FNBP1: variants seen among roughly 807,000 people sequenced by gnomAD.
FNBP1 encodes the protein formin binding protein 1.
In FNBP1, 26 loss-of-function variants were observed where a neutral mutation model predicts 90.6. The observed-to-expected ratio is 0.29, with a 90% CI of 0.21 to 0.40. The LOEUF is 0.40. Among genes scored for constraint, FNBP1 ranks in the 10% least tolerant of loss-of-function variants. The pLI is 1.00. For synonymous variants in FNBP1, 260 were observed against 265.2 expected (o/e 0.98, Z 0.19); for missense variants, 635 against 768.0 (o/e 0.83, Z 2.05).
chr9:129,976,660 T>C (rs1442076791), intron 4 of FNBP1, among the ~76,000 whole-genome samples: 2 of 152,190 alleles, frequency 1.3e-5, no homozygotes, highest in Non-Finnish European at 2.9e-5. Context: ...AGGCCTTAAC[T>C]GCGAAGTCCC....
At chr9:130,014,402 C>G (rs935288826) in intron 1 of FNBP1, among the ~76,000 whole-genome samples, 7 of 151,998 alleles carry the variant, frequency 4.6e-5, no homozygotes, top group African/African-American at 1.7e-4. Flanking sequence ...CAGGTGCACG[C>G]CACCACGCCT....
upstream of FNBP1, among the ~76,000 whole-genome samples, chr9:130,046,775 CAAAA>C (rs34811454): frequency 2.4e-5 from 2 of 83,190 alleles, no homozygotes; most frequent in Admixed American, 1.3e-4. Context: ...GACTTTATCT[CAAAA>C]AAAAAAAAAA....
At chr9:129,929,409 CAAAAAAAAAAA>C (rs11290487) in intron 7 of FNBP1, among the ~76,000 whole-genome samples, 147 bp downstream of exon 7, 1 of 61,214 alleles carries the variant, frequency 1.6e-5, no homozygotes, top group East Asian at 4.7e-4. Context: ...GACTCTGTCT[CAAAAAAAAAAA>C]AAAAAAAAAA....
intron 13 of FNBP1, among the ~76,000 whole-genome samples, chr9:129,901,919 AG>A (rs376852168): frequency 1.7e-4 from 26 of 152,344 alleles, no homozygotes; most frequent in African/African-American, 6.3e-4. Context: ...CTCAAAAAAA[AG>A]AATGAAAAAA....
intron 1 of FNBP1, among the ~76,000 whole-genome samples, chr9:130,033,517 T>C (rs951792485): frequency 6.6e-6 from 1 of 152,168 alleles, no homozygotes; most frequent in African/African-American, 2.4e-5. Context: ...GTTTCGTTTC[T>C]TGTTCCTGAA....
chr9:130,000,439 G>A (rs1001196671), intron 1 of FNBP1, among the ~76,000 whole-genome samples: 6 of 152,056 alleles, frequency 3.9e-5, no homozygotes, highest in Non-Finnish European at 7.4e-5. Flanking sequence ...TGCTGATCTC[G>A]GCTGAGCTGA....
chr9:129,976,111 C>T (rs1268059711), intron 4 of FNBP1, among the ~76,000 whole-genome samples: 1 of 152,070 alleles, frequency 6.6e-6, no homozygotes, highest in Admixed American at 6.5e-5. Context: ...TGCATCCTTT[C>T]TGTCACTAAA....
intron 13 of FNBP1, among the ~76,000 whole-genome samples, chr9:129,902,023 G>A (rs760397689): frequency 5.9e-4 from 90 of 152,264 alleles, no homozygotes; most frequent in Non-Finnish European, 9.3e-4. Context: ...GTCTTTAAAC[G>A]TGGTAGGGAG....
chr9:129,992,450 A>G (rs933190303), intron 2 of FNBP1, among the ~76,000 whole-genome samples: 2 of 151,538 alleles, frequency 1.3e-5, no homozygotes, highest in Non-Finnish European at 2.9e-5. Flanking sequence ...CATGTTATTC[A>G]CTCAATAAAA....
In FNBP1 at chr9:129,925,258, G is replaced by A. The variant is rs569939500; in HGVS notation, c.790-101C>T. The A allele has an allele frequency of 1.1e-4, 100 of 903,086 alleles. No homozygotes were observed. In the African/African-American group the frequency reaches 1.5e-3, roughly 14 times the overall value. 55.9% of individuals were successfully genotyped at this position (903,086 alleles called of 1,614,324 possible). A position where few individuals can be genotyped will look rare whatever the true frequency, so the allele number is the denominator to read the frequency against. Reference sequence around the variant, plus strand: ...GCGGTGGCTCATGCCTGTAATCCCAGCACTCTGGGAGGCAGAGGCGGGTGG... The same window carrying A: ...GCGGTGGCTCATGCCTGTAATCCCAACACTCTGGGAGGCAGAGGCGGGTGG... On this transcript the variant is annotated intron_variant, in intron 8 of 16. Transcript: ENST00000446176.
chr9:129,942,937 C>G (rs2044551473), intron 6 of FNBP1, among the ~76,000 whole-genome samples: 1 of 151,924 alleles, frequency 6.6e-6, no homozygotes, highest in South Asian at 2.1e-4. Context: ...AAGCAATCCT[C>G]CTGCCTTGGC....
chr9:129,971,621 C>T (rs1299357416), intron 4 of FNBP1, among the ~76,000 whole-genome samples: 4 of 152,168 alleles, frequency 2.6e-5, no homozygotes, highest in Non-Finnish European at 5.9e-5. Flanking sequence ...AAACTCCTGA[C>T]CTCAGGTGAT....
chr9:129,902,543 A>G (rs1359651232), intron 13 of FNBP1, among the ~76,000 whole-genome samples: 1 of 152,090 alleles, frequency 6.6e-6, no homozygotes, highest in Non-Finnish European at 1.5e-5. Flanking sequence ...AGTGAGCTAC[A>G]AGCATGCCAC....
Position 130,042,963 on chromosome 9 carries a change from T to C in FNBP1, c.13A>G (p.Thr5Ala). 1 of 1,226,356 alleles carries C rather than the reference T, an allele frequency of 8.2e-7. No homozygotes were observed. Among genetic ancestry groups the C allele is most frequent in the African/African-American group, 1.6e-5 (1 of 63,906 alleles). The allele number at this position is 1,226,356 out of a possible 1,614,324, so 76.0% of individuals were successfully genotyped here. MSWG[T>A]ELWDQFDNLE... ...AGCCCCTCACTCACCCAGAGCTCGG[T>C]GCCCCAGCTCATGGTGCAGGGGACG... Residue 5 changes from threonine to alanine, a missense_variant, in exon 1 of 17, where the codon ACC becomes GCC. Transcript: ENST00000446176. This position sits in a 1 kb window ranked among gnomAD's most constrained non-coding sequence, Gnocchi z 5.5.
At chr9:129,972,732 A>G (rs142847262) in intron 4 of FNBP1, among the ~76,000 whole-genome samples, 256 of 152,232 alleles carry the variant, frequency 1.7e-3, no homozygotes, top group African/African-American at 6.1e-3. Context: ...GGGTTTCGCC[A>G]TGTTGGCAAG....
At chr9:129,906,160 G>A (rs1200998253) in intron 12 of FNBP1, among the ~76,000 whole-genome samples, 5 of 152,126 alleles carry the variant, frequency 3.3e-5, no homozygotes, top group Non-Finnish European at 5.9e-5. Flanking sequence ...TGGGATTACA[G>A]GCATGAGCCA....
chr9:129,923,246 A>T (rs2041364217), intron 10 of FNBP1, among the ~76,000 whole-genome samples: 1 of 152,016 alleles, frequency 6.6e-6, no homozygotes, highest in Non-Finnish European at 1.5e-5. Flanking sequence ...GGATGCTTTA[A>T]AGAGGAAGAG....
At chr9:129,989,295 G>GCA (rs1470753624) in intron 2 of FNBP1, among the ~76,000 whole-genome samples, 2 of 152,164 alleles carry the variant, frequency 1.3e-5, no homozygotes, top group African/African-American at 4.8e-5. Context: ...CCAGGTTCAG[G>GCA]CACTTCCTGT....
intron 3 of FNBP1, 64 bp downstream of exon 3, chr9:129,979,254 C>T: frequency 1.1e-6 from 1 of 918,174 alleles, no homozygotes; most frequent in Non-Finnish European, 1.7e-6. Flanking sequence ...TGTATTTCTC[C>T]TTTCCGTGTG....
Sources: allele counts gnomAD v4.1 joint callset (sites outside exome capture counted in the v4.1 genomes callset), GRCh38; gene constraint gnomAD v4.1.1; non-coding constraint Gnocchi (gnomAD v3.1); transcripts MANE v1.5; gene names NCBI Gene and HGNC (gene_info 2026-07-23, HGNC 2026-07-21).